Variants in ADGRB3 observed in about 807,000 individuals in gnomAD.
The protein encoded by ADGRB3 is adhesion G protein-coupled receptor B3, also known as brain-specific angiogenesis inhibitor 3.
ADGRB3 carries 37 observed loss-of-function variants against 193.4 expected under a neutral mutation model. The observed-to-expected ratio is 0.19, with a 90% CI of 0.15 to 0.25. The LOEUF (loss-of-function observed/expected upper bound fraction) is 0.25, where lower values mean the gene tolerates loss of function less well. ADGRB3 is among the 10% of genes least tolerant of loss of function. The pLI is 1.00. For synonymous variants in ADGRB3, 690 were observed against 644.2 expected (o/e 1.07, Z -1.08); for missense variants, 1,637 against 1,852.9 (o/e 0.88, Z 2.14).
chr6:69,298,390 G>T (rs1016427701), intron 20 of ADGRB3, among the ~76,000 whole-genome samples: 1 of 151,638 alleles, frequency 6.6e-6, no homozygotes, highest in Non-Finnish European at 1.5e-5. Context: ...ATTTTCTGGG[G>T]TACATGTGAA....
chr6:69,304,867 C>T (rs1384729099), intron 20 of ADGRB3, among the ~76,000 whole-genome samples: 1 of 151,462 alleles, frequency 6.6e-6, no homozygotes, highest in Non-Finnish European at 1.5e-5. Flanking sequence ...AGGTTTCTGG[C>T]TAATAGCATT....
chr6:69,048,255 G>C lies in ADGRB3; in HGVS notation c.2178G>C (p.Lys726Asn). ...TCAACTTTCCAATGAAAGGACGGAA[G>C]GGAATGGTTGACTGGGCAAGAAACT... is the stretch of plus-strand genomic sequence containing the variant. ...TDINFPMKGR[K>N]GMVDWARNSE... is the part of the protein sequence containing the mutation. The change falls in exon 14 of 32, where the codon AAG (lysine) becomes AAC (asparagine). Residue 726 changes from lysine to asparagine, a missense_variant. Physicochemically the swap from Lys to Asn is moderately conservative, Grantham distance 94. Around this residue, in one of 7 missense-constraint regions of ADGRB3, gnomAD observed 641 missense variants for 673.9 expected, o/e 0.95. Coordinates refer to ENST00000370598, the MANE Select transcript of ADGRB3 (RefSeq NM_001704.3). 2 of 1,613,678 alleles carry C rather than the reference G, an allele frequency of 1.2e-6. No individual in the cohort carries two copies. The highest frequency in any genetic ancestry group is 1.7e-6 in the Non-Finnish European group (2 of 1,179,724).
At chr6:69,000,473 G>A (rs1376477641) in intron 11 of ADGRB3, among the ~76,000 whole-genome samples, 1 of 151,970 alleles carries the variant, frequency 6.6e-6, no homozygotes, top group Non-Finnish European at 1.5e-5. Flanking sequence ...GCCTAAACAA[G>A]GTTTATCTAA....
chr6:69,153,967 A>T (rs1009490678), intron 17 of ADGRB3, among the ~76,000 whole-genome samples: 10 of 152,094 alleles, frequency 6.6e-5, no homozygotes, highest in South Asian at 2.1e-4. Flanking sequence ...CACTCCAGCC[A>T]GGGCGACAGA....
Position 69,209,553 on chromosome 6 carries a change from G to A in ADGRB3, c.2481-23737G>A, listed in dbSNP as rs185524729. 3.7e-4 allele frequency among the ~76,000 whole-genome samples: 56 copies of A among 152,358 alleles called. No homozygotes were observed. In the East Asian group the frequency reaches 9.8e-3, roughly 27 times the overall value. ...ATAATGTCATCAATGTAATGGACCA[G>A]TGTGATATCTTGTGGAAGCAAAAAG... On this transcript the variant is annotated intron_variant, in intron 17 of 31. Coordinates refer to ENST00000370598, the MANE Select transcript of ADGRB3 (RefSeq NM_001704.3).
chr6:69,049,828 A>G (rs936827045), intron 15 of ADGRB3, among the ~76,000 whole-genome samples: 9 of 152,278 alleles, frequency 5.9e-5, no homozygotes, highest in African/African-American at 2.2e-4. Context: ...TTTTTAAAAA[A>G]TGCTGCTGTT....
chr6:69,387,461 C>T (rs192944855), intron 31 of ADGRB3, among the ~76,000 whole-genome samples: 1 of 151,308 alleles, frequency 6.6e-6, no homozygotes, highest in Admixed American at 6.6e-5. Flanking sequence ...TTACTATTAA[C>T]CTTTCTTCCC....
intron 17 of ADGRB3, among the ~76,000 whole-genome samples, chr6:69,193,993 A>ATTCATT (rs1368667736): frequency 6.6e-6 from 1 of 151,886 alleles, no homozygotes; most frequent in Non-Finnish European, 1.5e-5. Flanking sequence ...CTTCATCATC[A>ATTCATT]TTCATTTTCA....
At chr6:69,232,318 G>T (rs1766160571) in intron 17 of ADGRB3, 3 of 986,004 alleles carry the variant, frequency 3.0e-6, no homozygotes, top group Admixed American at 6.8e-5. Context: ...TCTGCTGGGG[G>T]TGGAAGGGTT....
intron 3 of ADGRB3, among the ~76,000 whole-genome samples, chr6:68,921,915 A>G (rs549082441): frequency 2.8e-4 from 42 of 152,254 alleles, no homozygotes; most frequent in African/African-American, 8.7e-4. Context: ...TTGTGTCCAC[A>G]GTTTTAATTT....
chr6:68,821,758 G>A (rs565400045), intron 3 of ADGRB3, among the ~76,000 whole-genome samples: 38 of 151,210 alleles, frequency 2.5e-4, no homozygotes, highest in African/African-American at 8.7e-4. Flanking sequence ...AAACTTTTGT[G>A]GTATTAATTA....
chr6:69,087,985 C>A (rs1267828281), intron 17 of ADGRB3, among the ~76,000 whole-genome samples: 1 of 152,122 alleles, frequency 6.6e-6, no homozygotes, highest in East Asian at 1.9e-4. Context: ...AAACTAAGGA[C>A]AAGAAAATCT....
At chr6:69,128,067 T>TA (rs1773906429) in intron 17 of ADGRB3, among the ~76,000 whole-genome samples, 1 of 152,060 alleles carries the variant, frequency 6.6e-6, no homozygotes. Flanking sequence ...CTTCATTTTG[T>TA]AAAAAAATAT....
At chr6:68,813,928 T>A (rs1183881441) in intron 3 of ADGRB3, among the ~76,000 whole-genome samples, 1 of 152,252 alleles carries the variant, frequency 6.6e-6, no homozygotes, top group African/African-American at 2.4e-5. Flanking sequence ...GGTGTATATG[T>A]GCCACATTTT....
chr6:69,234,342 G>T (rs1766216292), intron 18 of ADGRB3, among the ~76,000 whole-genome samples: 2 of 152,126 alleles, frequency 1.3e-5, no homozygotes, highest in South Asian at 4.1e-4. Context: ...TTAAAAGACA[G>T]AAAGCTTATT....
intron 17 of ADGRB3, among the ~76,000 whole-genome samples, chr6:69,162,573 C>T (rs1479478016): frequency 6.6e-6 from 1 of 152,116 alleles, no homozygotes; most frequent in Non-Finnish European, 1.5e-5. Context: ...CTTTCTCTCT[C>T]TCTTTCTCTC....
intron 3 of ADGRB3, among the ~76,000 whole-genome samples, chr6:68,641,195 G>A (rs1391592279): frequency 1.3e-5 from 2 of 152,164 alleles, no homozygotes; most frequent in Non-Finnish European, 2.9e-5. Context: ...ATTGAGTACT[G>A]ACGACAGTGG....
At chr6:68,913,887 G>A (rs1220858052) in intron 3 of ADGRB3, among the ~76,000 whole-genome samples, 7 of 152,042 alleles carry the variant, frequency 4.6e-5, no homozygotes, top group Middle Eastern at 3.4e-3. Context: ...CAAGAACTAC[G>A]TGAAGAATGC....
At chr6:69,105,085 T>C (rs1241087896) in intron 17 of ADGRB3, among the ~76,000 whole-genome samples, 1 of 152,238 alleles carries the variant, frequency 6.6e-6, no homozygotes, top group Non-Finnish European at 1.5e-5. Flanking sequence ...AGAATGGATG[T>C]TTGGTAGATA....
Sources: gnomAD v4.1 joint callset for allele counts (sites outside exome capture counted in the v4.1 genomes callset) on GRCh38, gnomAD v4.1.1 for gene constraint, gnomAD v4.1.1 regional missense constraint, MANE v1.5 for transcripts, NCBI Gene and HGNC (gene_info 2026-07-23, HGNC 2026-07-21) for gene names.